Variants in MYO16 observed in about 807,000 individuals in gnomAD.
The protein encoded by MYO16 is myosin XVI.
MYO16 carries 94 observed loss-of-function variants against 205.3 expected under a neutral mutation model. That is an observed-to-expected ratio of 0.46 (90% CI 0.39 to 0.54). MYO16 has a LOEUF of 0.54. Among genes scored for constraint, MYO16 ranks in the 20% least tolerant of loss-of-function variants. The pLI is 0.00. For missense variants in MYO16, 2,315 were observed against 2,387.5 expected, an observed-to-expected ratio of 0.97 and a Z score of 0.63; for synonymous variants, 988 against 954.0, an observed-to-expected ratio of 1.04 and a Z score of -0.66.
chr13:108,788,300 G>A (rs986895850), intron 5 of MYO16, among the ~76,000 whole-genome samples: 5 of 152,040 alleles, frequency 3.3e-5, no homozygotes, highest in Non-Finnish European at 7.3e-5. Flanking sequence ...AATTAACCTC[G>A]GCTCACTGCC....
chr13:108,682,267 C>G (rs755445563), intron 2 of MYO16, among the ~76,000 whole-genome samples: 53 of 152,288 alleles, frequency 3.5e-4, no homozygotes, highest in South Asian at 1.0e-3. Flanking sequence ...TGAATATGAT[C>G]TAATAGGGAC....
the MYO16 span, among the ~76,000 whole-genome samples, chr13:108,566,053 G>T: frequency 6.6e-6 from 1 of 151,846 alleles, no homozygotes; most frequent in Non-Finnish European, 1.5e-5. Context: ...CATAGAATGA[G>T]TTTGAAAGTA....
intron 23 of MYO16, among the ~76,000 whole-genome samples, chr13:109,041,645 T>A (rs1241746024): frequency 6.6e-6 from 1 of 152,184 alleles, no homozygotes; most frequent in Non-Finnish European, 1.5e-5. Flanking sequence ...TTAATGTCAA[T>A]ATCCTGGTTG....
chr13:108,556,789 T>C, the MYO16 span, among the ~76,000 whole-genome samples: 2 of 150,742 alleles, frequency 1.3e-5, no homozygotes, highest in Non-Finnish European at 2.9e-5. Flanking sequence ...ATTTCATCCA[T>C]TTTGAGTTTT....
chr13:109,173,575 A>C (rs897213292), intron 33 of MYO16, among the ~76,000 whole-genome samples: 6 of 152,142 alleles, frequency 3.9e-5, no homozygotes, highest in Non-Finnish European at 7.3e-5. Flanking sequence ...ATTATGTAGG[A>C]GTCTACAGAG....
intron 1 of MYO16, among the ~76,000 whole-genome samples, chr13:108,599,514 T>C (rs920586221): frequency 6.6e-6 from 1 of 152,164 alleles, no homozygotes; most frequent in African/African-American, 2.4e-5. Flanking sequence ...CACTCTAGGC[T>C]GTTACTTTGT....
Position 108,629,744 on chromosome 13 carries a change from T to A in MYO16, c.-101T>A. The A allele has an allele frequency of 8.9e-7, 1 of 1,128,194 alleles. No homozygotes were observed. Among genetic ancestry groups the A allele is most frequent in the Non-Finnish European group, 1.3e-6 (1 of 787,706 alleles). The allele number at this position is 1,128,194 out of a possible 1,614,324, so 69.9% of individuals were successfully genotyped here. A position where few individuals can be genotyped will look rare whatever the true frequency, so the allele number is the denominator to read the frequency against. On this transcript the variant is annotated 5_prime_UTR_variant, in exon 1 of 35. Coordinates refer to ENST00000457511, the MANE Select transcript of MYO16 (RefSeq NM_001198950.3). ...AATAGTGCATCCTGAGGTAAACTGT[T>A]ACCTGAGTAAGGGCTTTAAGTAATG...
Position 109,141,316 on chromosome 13 carries a change from A to G in MYO16, c.5104A>G (p.Asn1702Asp), listed in dbSNP as rs536429933. ...CCTGGACGAGCTCGCCAGCCTCTTC[A>G]ACTCGGGGAGGAGTGTGCTTCGGAA... is the stretch of plus-strand genomic sequence containing the variant. ...SPLDELASLF[N>D]SGRSVLRKSA... The change falls in exon 32 of 35, where the codon AAC becomes GAC. Residue 1702 changes from asparagine to aspartate, a missense_variant. Transcript: ENST00000457511. The surrounding 1 kb of genome is among the most constrained non-coding windows in gnomAD (Gnocchi z 4.1). 2 of 1,585,580 alleles carry G rather than the reference A, an allele frequency of 1.3e-6. No individual in the cohort carries two copies. Among genetic ancestry groups the G allele is most frequent in the Admixed American group, 1.8e-5 (1 of 56,192 alleles).
chr13:109,116,182 C>T (rs77576572), intron 28 of MYO16, among the ~76,000 whole-genome samples: 2,288 of 152,112 alleles, frequency 0.015, 32 homozygotes, highest in South Asian at 0.033. Context: ...AGCACAATAC[C>T]CAGGCATTGC....
intron 4 of MYO16, among the ~76,000 whole-genome samples, chr13:108,729,771 A>C (rs932678): frequency 0.24 from 35,794 of 151,284 alleles, 5,354 homozygotes; most frequent in East Asian, 0.55. Context: ...TTTCACTGCC[A>C]GCCAGGATTC....
intron 2 of MYO16, among the ~76,000 whole-genome samples, chr13:108,696,851 T>C (rs1162888589): frequency 6.6e-6 from 1 of 152,156 alleles, no homozygotes; most frequent in African/African-American, 2.4e-5. Context: ...TTATTGTTTC[T>C]TTCTTCTAGT....
chr13:108,693,388 C>A (rs1882973845), intron 2 of MYO16, among the ~76,000 whole-genome samples: 1 of 152,130 alleles, frequency 6.6e-6, no homozygotes, highest in Non-Finnish European at 1.5e-5. Context: ...AGTCATTTTT[C>A]ATCTCCCCAC....
At chr13:108,962,978 G>A (rs1883645151) in intron 19 of MYO16, among the ~76,000 whole-genome samples, 1 of 152,194 alleles carries the variant, frequency 6.6e-6, no homozygotes, top group African/African-American at 2.4e-5. Flanking sequence ...TAACAGAGGG[G>A]AAAACTAAAA....
intron 23 of MYO16, among the ~76,000 whole-genome samples, chr13:109,027,010 C>T (rs1001843): frequency 0.15 from 23,103 of 152,152 alleles, 2,164 homozygotes; most frequent in Non-Finnish European, 0.2. Context: ...AACCAAGTAC[C>T]GTAGACTGAG....
chr13:109,158,524 A>T (rs1878192534), intron 32 of MYO16, among the ~76,000 whole-genome samples: 1 of 152,186 alleles, frequency 6.6e-6, no homozygotes, highest in African/African-American at 2.4e-5. Context: ...CTTTTCCCAT[A>T]AAACATTTCC....
intron 4 of MYO16, among the ~76,000 whole-genome samples, chr13:108,757,914 G>A (rs1885475696): frequency 1.3e-5 from 2 of 152,160 alleles, no homozygotes; most frequent in South Asian, 4.1e-4. Context: ...GGATGCTATG[G>A]TCTGAATGTT....
At chr13:108,641,348 C>T (rs7996738) in intron 1 of MYO16, among the ~76,000 whole-genome samples, 3,925 of 152,170 alleles carry the variant, frequency 0.026, 163 homozygotes, top group African/African-American at 0.082. Context: ...ATGAAAGAGA[C>T]TTGAGTTATT....
At chr13:108,724,371 G>T (rs769457697) in intron 3 of MYO16, among the ~76,000 whole-genome samples, 1 of 152,142 alleles carries the variant, frequency 6.6e-6, no homozygotes, top group Non-Finnish European at 1.5e-5. Flanking sequence ...GAACATGCTT[G>T]TCATCTTCCT....
Position 108,684,759 on chromosome 13 carries a change from C to T in MYO16, c.292+18610C>T, listed in dbSNP as rs1293697089. 3.9e-5 allele frequency among the ~76,000 whole-genome samples: 6 copies of T among 152,126 alleles called. No individual in the cohort carries two copies. The East Asian group carries it at 1.2e-3, about 29-fold the overall frequency. On this transcript the variant is annotated intron_variant, in intron 2 of 34. Coordinates refer to ENST00000457511, the MANE Select transcript of MYO16 (RefSeq NM_001198950.3). ...AGCGAACATGCCTATGTAACGAAGA[C>T]TCCATAAAAACCTCTGAACTATGGG...
Sources: gnomAD v4.1 joint callset for allele counts (sites outside exome capture counted in the v4.1 genomes callset) on GRCh38, gnomAD v4.1.1 for gene constraint, Gnocchi (gnomAD v3.1) non-coding constraint, MANE v1.5 for transcripts, NCBI Gene and HGNC (gene_info 2026-07-23, HGNC 2026-07-21) for gene names.